The following CDH16 variants were observed in gnomAD, a reference collection of about 807,000 sequenced individuals.
CDH16 encodes the protein cadherin-16.
In CDH16, 79 loss-of-function variants were observed where a neutral mutation model predicts 87.6. The observed-to-expected ratio is 0.90, with a 90% CI of 0.75 to 1.09. The LOEUF (loss-of-function observed/expected upper bound fraction) is 1.09. Ranked by LOEUF, CDH16 falls within the 50% of genes least tolerant of loss-of-function variation. The pLI is 0.00. For synonymous variants in CDH16, 457 were observed against 439.5 expected, an observed-to-expected ratio of 1.04 and a Z score of -0.50; for missense variants, 1,124 against 1,071.7, an observed-to-expected ratio of 1.05 and a Z score of -0.68.
At chr16:66,918,765 G>C (rs1962802445) in intron 1 of CDH16, 39 bp downstream of exon 1, 1 of 152,592 alleles carries the variant, frequency 6.6e-6, no homozygotes, top group South Asian at 2.1e-4. Context: ...ACCAACCTCA[G>C]CCTCAGCCAT....
At chr16:66,917,846 C>A in intron 2 of CDH16, 121 bp from the exon 3 acceptor site, 1 of 1,014,832 alleles carries the variant, frequency 9.9e-7, no homozygotes, top group Non-Finnish European at 1.5e-6. Context: ...TCCATCCACC[C>A]GCGCTCTGGT....
Position 66,916,969 on chromosome 16 carries a change from A to G in CDH16, c.130-540T>C, listed in dbSNP as rs935213141. 2.0e-5 allele frequency among the ~76,000 whole-genome samples: 3 copies of G among 152,118 alleles called. No homozygotes were observed. The highest frequency in any genetic ancestry group is 7.2e-5 in the African/African-American group (3 of 41,468). ...CACTCAAGGATTCTGTCGGAATTTC[A>G]CCTCTGTACTGTCAGCTCCTTCTGG... On this transcript the variant is annotated intron_variant, in intron 3 of 17. Transcript: ENST00000299752. The surrounding 1 kb of genome is among the most constrained non-coding windows in gnomAD (Gnocchi z 4.1).
Position 66,916,396 on chromosome 16 carries a change from T to A in CDH16, c.163A>T (p.Ile55Phe), listed in dbSNP as rs1436294796. Reference sequence around the variant, plus strand: ...TTGCCTGAGTCCCCTGACAGCACGATCTGGCCTTCAGCCCCCTCACGGGGC... The same window carrying A: ...TTGCCTGAGTCCCCTGACAGCACGAACTGGCCTTCAGCCCCCTCACGGGGC... ...PLPREGAEGQIVLSGDSGKAT... is the reference protein window; with the variant it reads ...PLPREGAEGQFVLSGDSGKAT... The change falls in exon 4 of 18, where the codon ATC becomes TTC. Residue 55 changes from isoleucine to phenylalanine, a missense_variant. By Grantham distance (21) the Ile-to-Phe change is conservative. Transcript: ENST00000299752. This position sits in a 1 kb window ranked among gnomAD's most constrained non-coding sequence, Gnocchi z 4.1. The A allele has an allele frequency of 1.2e-6, 2 of 1,611,782 alleles. No homozygotes were observed. The highest frequency in any genetic ancestry group is 1.7e-6 in the Non-Finnish European group (2 of 1,178,496).
At chr16:66,914,689 G>T (rs1962600972) in intron 6 of CDH16, among the ~76,000 whole-genome samples, 1 of 152,206 alleles carries the variant, frequency 6.6e-6, no homozygotes, top group South Asian at 2.1e-4. Context: ...GATGGCAGAT[G>T]ATGGGTTGGT....
At chr16:66,918,500 A>G (rs1293420202) in intron 1 of CDH16, among the ~76,000 whole-genome samples, 2 of 152,230 alleles carry the variant, frequency 1.3e-5, no homozygotes. Context: ...GGGTCTGGCC[A>G]AGGTCACAGA....
intron 17 of CDH16, among the ~76,000 whole-genome samples, chr16:66,908,992 G>C (rs1962283250): frequency 1.3e-5 from 2 of 152,272 alleles, no homozygotes; most frequent in South Asian, 4.1e-4. Flanking sequence ...CTGCAAAATG[G>C]GGAGATACCA....
rs1596970427 is a variant in CDH16 at position 66,909,851 on chromosome 16, C to T, written c.2275+135G>A. ...TCCTGTGTGCCCAGGTATGTGTGCCCAGCCATAGGTGTGCAAGTGTGCACA... is the reference window on the plus strand; with the variant it reads ...TCCTGTGTGCCCAGGTATGTGTGCCTAGCCATAGGTGTGCAAGTGTGCACA... On this transcript the variant is annotated intron_variant, in intron 16 of 17. Transcript: ENST00000299752. The surrounding 1 kb of genome is among the most constrained non-coding windows in gnomAD (Gnocchi z 4.1). 28 of 677,132 alleles carry T rather than the reference C, an allele frequency of 4.1e-5. No individual in the cohort carries two copies. In the East Asian group the frequency reaches 7.1e-4, roughly 17 times the overall value. 41.9% of individuals were successfully genotyped at this position (677,132 alleles called of 1,614,324 possible).
At position 66,914,198 on chromosome 16, in the gene CDH16, T is replaced by G. The variant is rs1002274040; in HGVS notation, c.780+18A>C. ...CCATCCATGGGGCTGCTTCAGCCAC[T>G]GACAGCCACTTACTCACCTGGGCCA... is the stretch of plus-strand genomic sequence containing the variant. On this transcript the variant is annotated intron_variant, in intron 7 of 17. Coordinates refer to ENST00000299752, the MANE Select transcript of CDH16 (RefSeq NM_004062.4). The G allele has an allele frequency of 6.2e-7, 1 of 1,603,988 alleles. No homozygotes were observed.
rs780108299 is a variant in CDH16 at position 66,910,247 on chromosome 16, C to A, written c.2167+13G>T. 1 of 1,579,134 alleles carries A rather than the reference C, an allele frequency of 6.3e-7. No individual in the cohort carries two copies. Among genetic ancestry groups the A allele is most frequent in the Non-Finnish European group, 8.6e-7 (1 of 1,159,974 alleles). The stretch of plus-strand genomic sequence containing the variant: ...CCTTGGCCACAGCCTCCCTCCCTTT[C>A]CCCACCACACACCATTGAGAGTCTG... On this transcript the variant is annotated intron_variant, in intron 15 of 17. Coordinates refer to ENST00000299752, the MANE Select transcript of CDH16 (RefSeq NM_004062.4).
intron 5 of CDH16, 165 bp from the exon 6 acceptor site, chr16:66,915,543 A>G (rs1344373944): frequency 1.4e-6 from 1 of 717,358 alleles, no homozygotes. Flanking sequence ...AGCAAACTGA[A>G]GCCAAGAATG....
intron 14 of CDH16, 142 bp downstream of exon 14, chr16:66,911,040 T>C (rs977961556): frequency 5.3e-6 from 4 of 751,810 alleles, no homozygotes; most frequent in South Asian, 2.1e-5. Context: ...GAGAGGAACA[T>C]TGAACCCAGC....
chr16:66,911,854 GC>G, intron 13 of CDH16, 44 bp downstream of exon 13: 1 of 1,538,662 alleles, frequency 6.5e-7, no homozygotes, highest in South Asian at 1.3e-5. Flanking sequence ...TCCCCAGGGA[GC>G]AGGGGCAATC....
Position 66,912,230 on chromosome 16 carries a change from C to T in CDH16, c.1548+12G>A, listed in dbSNP as rs540664626. ...ATGTGTGGGCCCCTTTCCCAGCTAC[C>T]CAGGCCCTCACCTTGCAGAGTCTGA... is the stretch of plus-strand genomic sequence containing the variant. On this transcript the variant is annotated intron_variant, in intron 12 of 17. Transcript: ENST00000299752. 1.2e-6 allele frequency: 2 copies of T among 1,602,622 alleles called. No individual in the cohort carries two copies. The highest frequency in any genetic ancestry group is 4.5e-5 in the East Asian group (2 of 44,682).
Position 66,916,470 on chromosome 16 carries a change from C to G in CDH16, c.130-41G>C. On this transcript the variant is annotated intron_variant, in intron 3 of 17. Transcript: ENST00000299752. The surrounding 1 kb of genome is among the most constrained non-coding windows in gnomAD (Gnocchi z 4.1). ...AGAAGTGAAGGGAGCGGTGGCCAGGCCTGGGAGATGCCCCTCCTCCACCTG... is the reference window on the plus strand; with the variant it reads ...AGAAGTGAAGGGAGCGGTGGCCAGGGCTGGGAGATGCCCCTCCTCCACCTG... 1 of 1,531,900 alleles carries G rather than the reference C, an allele frequency of 6.5e-7. No individual in the cohort carries two copies. Among genetic ancestry groups the G allele is most frequent in the African/African-American group, 1.4e-5 (1 of 72,564 alleles). 94.9% of individuals were successfully genotyped at this position (1,531,900 alleles called of 1,614,324 possible). A position where few individuals can be genotyped will look rare whatever the true frequency, so the allele number is the denominator to read the frequency against.
In CDH16 at chr16:66,909,900, G is replaced by A; in HGVS notation, c.2275+86C>T. On this transcript the variant is annotated intron_variant, in intron 16 of 17. Coordinates refer to ENST00000299752, the MANE Select transcript of CDH16 (RefSeq NM_004062.4). This position sits in a 1 kb window ranked among gnomAD's most constrained non-coding sequence, Gnocchi z 4.1. ...CAGGCATGTGCTGTCCACATGAGCA[G>A]CCTGTATGCATGTGTACCAGCTCCC... 1 of 948,080 alleles carries A rather than the reference G, an allele frequency of 1.1e-6. No individual in the cohort carries two copies. The highest frequency in any genetic ancestry group is 1.5e-5 in the South Asian group (1 of 65,288). 58.7% of individuals were successfully genotyped at this position (948,080 alleles called of 1,614,324 possible).
At chr16:66,913,379 G>C (rs995351388) in intron 8 of CDH16, 98 bp from the exon 9 acceptor site, 3 of 1,565,878 alleles carry the variant, frequency 1.9e-6, no homozygotes, top group Middle Eastern at 1.7e-4. Context: ...CCAGCTCTTC[G>C]GGGCTCTTTC....
chr16:66,916,297 C>G lies in CDH16; in HGVS notation c.262G>C (p.Glu88Gln), dbSNP rs766472750. ...ACCTGTAGCTGGTACTCTGCCTGCT[C>G]CTCTCGGTCCAGGGCCCTGGTCACC... ...LLVTRALDRE[E>Q]QAEYQLQVTL... The change falls in exon 4 of 18, where the codon GAG becomes CAG. Residue 88 changes from glutamate to glutamine, a missense_variant. By Grantham distance (29) the Glu-to-Gln change is conservative (BLOSUM62 2). Transcript: ENST00000299752. The surrounding 1 kb of genome is among the most constrained non-coding windows in gnomAD (Gnocchi z 4.1). 8 of 1,613,756 alleles carry G rather than the reference C, an allele frequency of 5.0e-6. No individual in the cohort carries two copies. In the Admixed American group the frequency reaches 5.0e-5, roughly 10 times the overall value.
At chr16:66,917,945 T>C (rs1302059549) in intron 2 of CDH16, 76 bp downstream of exon 2, 5 of 1,304,000 alleles carry the variant, frequency 3.8e-6, no homozygotes, top group Non-Finnish European at 4.3e-6. Context: ...GTGCAATTGG[T>C]CCAGGTGGAG....
Position 66,909,282 on chromosome 16 carries a change from T to G in CDH16, c.2377A>C (p.Thr793Pro). 6.2e-7 allele frequency: 1 copy of G among 1,610,112 alleles called. No individual in the cohort carries two copies. Among genetic ancestry groups the G allele is most frequent in the Non-Finnish European group, 8.5e-7 (1 of 1,176,462 alleles). Residue 793 changes from threonine to proline, a missense_variant, in exon 17 of 18, where the codon ACC becomes CCC. Coordinates refer to ENST00000299752, the MANE Select transcript of CDH16 (RefSeq NM_004062.4). The surrounding 1 kb of genome is among the most constrained non-coding windows in gnomAD (Gnocchi z 4.1). ...KLSAVGILVGTLVAIGIFLIL... is the reference protein window; with the variant it reads ...KLSAVGILVGPLVAIGIFLIL... The stretch of plus-strand genomic sequence containing the variant: ...CCTCCATTACCTATTGCTACCAGGG[T>G]GCCTACAAGGATGCCCACTGCCGAC...
Sources: gnomAD v4.1 joint callset for allele counts (sites outside exome capture counted in the v4.1 genomes callset) on GRCh38, gnomAD v4.1.1 for gene constraint, Gnocchi (gnomAD v3.1) non-coding constraint, MANE v1.5 for transcripts, NCBI Gene and HGNC (gene_info 2026-07-23, HGNC 2026-07-21) for gene names.